Variants in CORO2B observed in about 807,000 individuals in gnomAD.
CORO2B encodes coronin 2B.
A neutral mutation model predicts 58.8 loss-of-function variants in CORO2B; 26 were observed. The observed-to-expected ratio is 0.44, with a 90% CI of 0.32 to 0.61. The LOEUF (loss-of-function observed/expected upper bound fraction) is 0.61. Ranked by LOEUF, CORO2B falls within the 20% of genes least tolerant of loss-of-function variation. The pLI is 0.04. For missense variants in CORO2B, 460 were observed against 645.1 expected, an observed-to-expected ratio of 0.71 and a Z score of 3.11; for synonymous variants, 242 against 253.8, an observed-to-expected ratio of 0.95 and a Z score of 0.44.
intron 2 of CORO2B, among the ~76,000 whole-genome samples, chr15:68,676,276 T>C (rs954584027): frequency 2.6e-5 from 4 of 152,218 alleles, no homozygotes; most frequent in Admixed American, 1.3e-4. Context: ...ACATGACTGC[T>C]AGCGTCCGCA....
rs1010295308 is a variant in CORO2B, at chr15:68,662,337, T to A, written c.216+16977T>A. Among the ~76,000 whole-genome samples the A allele has an allele frequency of 3.3e-5, 5 of 152,266 alleles. No individual in the cohort carries two copies. The South Asian group carries it at 1.0e-3, about 32-fold the overall frequency. ...AGTAATCCTGCACCCACATAAAAGC[T>A]GTATTTTCACAATGAGATAAGGTAT... On this transcript the variant is annotated intron_variant, in intron 2 of 11. Coordinates refer to ENST00000261861, the MANE Select transcript of CORO2B (RefSeq NM_006091.5).
At chr15:68,555,242 C>T in the CORO2B span, among the ~76,000 whole-genome samples, 6 of 152,310 alleles carry the variant, frequency 3.9e-5, no homozygotes, top group African/African-American at 7.2e-5. Context: ...ATGGCCCTGC[C>T]GTCTTGTCCC....
chr15:68,559,794 C>T, the CORO2B span, among the ~76,000 whole-genome samples: 2 of 152,172 alleles, frequency 1.3e-5, no homozygotes, highest in Non-Finnish European at 2.9e-5. This position sits in a 1 kb window ranked among gnomAD's most constrained non-coding sequence, Gnocchi z 4.3. Flanking sequence ...GCGCGGCCCG[C>T]ATCCTTCCTC....
intron 3 of CORO2B, among the ~76,000 whole-genome samples, chr15:68,701,282 T>C (rs1892636639): frequency 6.6e-6 from 1 of 152,034 alleles, no homozygotes; most frequent in South Asian, 2.1e-4. Context: ...TTCCAGGCTC[T>C]GCGATCTAGG....
chr15:68,690,240 CT>C (rs1000550042), intron 2 of CORO2B, among the ~76,000 whole-genome samples: 8 of 152,110 alleles, frequency 5.3e-5, no homozygotes, highest in African/African-American at 1.9e-4. Flanking sequence ...GAATCAGGGC[CT>C]TTTTTTCTCT....
the CORO2B span, among the ~76,000 whole-genome samples, chr15:68,529,411 T>C: frequency 6.6e-6 from 1 of 152,220 alleles, no homozygotes; most frequent in Non-Finnish European, 1.5e-5. Context: ...GTTCAAGAAA[T>C]GTATTCATAA....
chr15:68,691,641 A>AAAAG (rs1420840770), intron 2 of CORO2B, among the ~76,000 whole-genome samples: 20 of 149,390 alleles, frequency 1.3e-4, no homozygotes, highest in Non-Finnish European at 2.5e-4. Flanking sequence ...AAAAAAAAAA[A>AAAAG]AAAAAGAAAA....
chr15:68,645,186 C>A lies in CORO2B; in HGVS notation c.42C>A (p.Ser14Arg). The change falls in exon 2 of 12, where the codon AGC (serine) becomes AGA (arginine). Residue 14 changes from serine (S) to arginine (R), a missense_variant. Coordinates refer to ENST00000261861, the MANE Select transcript of CORO2B (RefSeq NM_006091.5). The surrounding 1 kb of genome is among the most constrained non-coding windows in gnomAD (Gnocchi z 4.5). ...TKMSWRPQYR[S>R]SKFRNVYGKV... ...TGTCCTGGCGTCCGCAATACCGTAGCTCCAAGTTCCGGAATGTCTACGGGA... is the reference window on the plus strand; with the variant it reads ...TGTCCTGGCGTCCGCAATACCGTAGATCCAAGTTCCGGAATGTCTACGGGA... 1.2e-6 allele frequency: 2 copies of A among 1,614,224 alleles called. No homozygotes were observed. The highest frequency in any genetic ancestry group is 1.7e-6 in the Non-Finnish European group (2 of 1,180,048).
At chr15:68,714,062 C>T (rs748416317) in intron 6 of CORO2B, 21 bp downstream of exon 6, 2 of 1,548,616 alleles carry the variant, frequency 1.3e-6, no homozygotes, top group South Asian at 2.2e-5. Context: ...GGGAGGCCTG[C>T]TGGGTTTGGG....
At chr15:68,701,879 G>T (rs181125540) in intron 3 of CORO2B, among the ~76,000 whole-genome samples, 1 of 152,056 alleles carries the variant, frequency 6.6e-6, no homozygotes, top group Non-Finnish European at 1.5e-5. Flanking sequence ...AAAGTGTTTT[G>T]TGTCCCCTAA....
the CORO2B span, among the ~76,000 whole-genome samples, chr15:68,550,798 G>A: frequency 1.3e-5 from 2 of 152,222 alleles, no homozygotes; most frequent in African/African-American, 2.4e-5. Context: ...CGGCTCTGGA[G>A]GGCTCAGCCT....
chr15:68,559,571 T>C, the CORO2B span: 1 of 985,224 alleles, frequency 1.0e-6, no homozygotes, highest in African/African-American at 1.7e-5. The surrounding 1 kb of genome is among the most constrained non-coding windows in gnomAD (Gnocchi z 4.3). Flanking sequence ...CTGGAAGAGC[T>C]GCAGGGACCA....
At chr15:68,620,326 A>G (rs985582121) in intron 1 of CORO2B, among the ~76,000 whole-genome samples, 5 of 152,216 alleles carry the variant, frequency 3.3e-5, no homozygotes, top group Admixed American at 2.6e-4. Context: ...TTTAAATGTT[A>G]GAAAGAGCCA....
the CORO2B span, among the ~76,000 whole-genome samples, chr15:68,536,526 A>G: frequency 1.4e-4 from 22 of 152,236 alleles, no homozygotes; most frequent in Admixed American, 9.8e-4. Context: ...AATATGATGC[A>G]ACTCTGTAAC....
At chr15:68,684,315 C>G (rs570853105) in intron 2 of CORO2B, among the ~76,000 whole-genome samples, 1 of 152,294 alleles carries the variant, frequency 6.6e-6, no homozygotes, top group East Asian at 1.9e-4. Flanking sequence ...AACCCAATGT[C>G]CCCCAGTCCT....
chr15:68,548,174 A>AATATATATAT, the CORO2B span, among the ~76,000 whole-genome samples: 59 of 146,368 alleles, frequency 4.0e-4, no homozygotes, highest in Admixed American at 1.7e-3. Context: ...CCATCTTAAA[A>AATATATATAT]ATATATATAT....
chr15:68,650,863 GCA>G (rs1180364746), intron 2 of CORO2B, among the ~76,000 whole-genome samples: 2 of 152,200 alleles, frequency 1.3e-5, no homozygotes, highest in Non-Finnish European at 2.9e-5. Flanking sequence ...GGGGCTCAGT[GCA>G]GGGTGTGCAC....
At chr15:68,571,543 C>A in the CORO2B span, among the ~76,000 whole-genome samples, 1 of 152,184 alleles carries the variant, frequency 6.6e-6, no homozygotes, top group Non-Finnish European at 1.5e-5. Flanking sequence ...GGAAAATAAA[C>A]AAATATGTTA....
rs189514819 is a variant in CORO2B at position 68,727,756 on chromosome 15, A to C, written c.*1782A>C. 1 of 151,852 alleles carries C rather than the reference A, an allele frequency of 6.6e-6. No individual in the cohort carries two copies. Among genetic ancestry groups the C allele is most frequent in the Non-Finnish European group, 1.5e-5 (1 of 67,884 alleles). The allele number at this position is 151,852 out of a possible 1,614,324, so 9.4% of individuals were successfully genotyped here. ...CCTTTGTGGTCTTCTGTGATTATTT[A>C]TGCTGCCTCCCAAGGATAGAATTGA... On this transcript the variant is annotated 3_prime_UTR_variant, in exon 12 of 12. Coordinates refer to ENST00000261861, the MANE Select transcript of CORO2B (RefSeq NM_006091.5).
Sources: gnomAD v4.1 joint callset for allele counts (sites outside exome capture counted in the v4.1 genomes callset) on GRCh38, gnomAD v4.1.1 for gene constraint, Gnocchi (gnomAD v3.1) non-coding constraint, MANE v1.5 for transcripts, NCBI Gene and HGNC (gene_info 2026-07-23, HGNC 2026-07-21) for gene names.